Variants in CDH15 observed in about 807,000 individuals in gnomAD.
The protein encoded by CDH15 is cadherin-15.
A neutral mutation model predicts 69.4 loss-of-function variants in CDH15; 73 were observed. The ratio of observed to expected loss-of-function variants is 1.05; its 90% CI spans 0.87 to 1.28. CDH15 has a LOEUF of 1.28. CDH15 is among the 50% of genes most tolerant of loss of function. The pLI, the probability that CDH15 is intolerant of heterozygous loss-of-function variation, is 0.00. For missense variants in CDH15, 1,343 were observed against 1,133.6 expected (o/e 1.18, Z -2.65); for synonymous variants, 624 against 507.7 (o/e 1.23, Z -3.08).
At chr16:89,182,811 C>T (rs1915407720) in intron 3 of CDH15, 1 of 152,182 alleles carries the variant, frequency 6.6e-6, no homozygotes, top group Non-Finnish European at 1.5e-5. Context: ...GAGAGTATTT[C>T]TCACTTGGAA....
chr16:89,179,965 G>A (rs1777076099), intron 2 of CDH15, among the ~76,000 whole-genome samples: 3 of 152,220 alleles, frequency 2.0e-5, no homozygotes, highest in Admixed American at 1.3e-4. Flanking sequence ...CCAGGGCCCT[G>A]AGGACACCAG....
chr16:89,184,315 A>G (rs762487864), intron 4 of CDH15, among the ~76,000 whole-genome samples: 1 of 151,904 alleles, frequency 6.6e-6, no homozygotes, highest in Non-Finnish European at 1.5e-5. Flanking sequence ...TCCCGGGGGG[A>G]AGTCACAGCC....
At chr16:89,190,677 C>G (rs1204381595) in intron 8 of CDH15, among the ~76,000 whole-genome samples, 181 bp downstream of exon 8, 1 of 151,994 alleles carries the variant, frequency 6.6e-6, no homozygotes, top group Non-Finnish European at 1.5e-5. Flanking sequence ...TTGGGGTGAC[C>G]TCACCCCCTA....
At chr16:89,176,308 G>A (rs1915253941) in intron 1 of CDH15, among the ~76,000 whole-genome samples, 2 of 152,246 alleles carry the variant, frequency 1.3e-5, no homozygotes, top group South Asian at 2.1e-4. Flanking sequence ...GCACGGGGCT[G>A]AGGAGAGCGG....
chr16:89,192,071 G>A, intron 10 of CDH15, 134 bp from the exon 11 acceptor site: 2 of 1,240,650 alleles, frequency 1.6e-6, no homozygotes, highest in Non-Finnish European at 2.2e-6. Context: ...TACTCATTGT[G>A]CCCAGAGGAC....
At chr16:89,177,562 G>A (rs541866527) in intron 1 of CDH15, among the ~76,000 whole-genome samples, 21 of 152,104 alleles carry the variant, frequency 1.4e-4, no homozygotes, top group African/African-American at 4.3e-4. Flanking sequence ...AGCCAGGCCC[G>A]GGGCACAGGG....
intron 1 of CDH15, among the ~76,000 whole-genome samples, chr16:89,173,178 C>T (rs1915192787): frequency 6.6e-6 from 1 of 152,200 alleles, no homozygotes; most frequent in African/African-American, 2.4e-5. Flanking sequence ...CCCGGCCCTC[C>T]ACCCCTCAGC....
At chr16:89,182,042 A>G (rs1413356334) in intron 3 of CDH15, among the ~76,000 whole-genome samples, 2 of 151,232 alleles carry the variant, frequency 1.3e-5, no homozygotes, top group African/African-American at 4.9e-5. Context: ...CCTAGAGCCC[A>G]GAAAACCAGA....
intron 13 of CDH15, among the ~76,000 whole-genome samples, chr16:89,194,475 C>G (rs1411232983): frequency 5.3e-5 from 8 of 152,198 alleles, no homozygotes; most frequent in Admixed American, 5.2e-4. Context: ...CAGACAGAGC[C>G]TCCGAAAGGC....
In CDH15 at chr16:89,194,895, C is replaced by T; in HGVS notation, c.2185C>T (p.Pro729Ser). ...GGCTGCAGATAGTGACCCCAGTGTG[C>T]CGCCTTACGACACAGCCCTCATCTA... Reference protein sequence around the residue: ...LEAADSDPSVPPYDTALIYDY... With the variant: ...LEAADSDPSVSPYDTALIYDY... The change falls in exon 14 of 14, where the codon CCG (proline) becomes TCG (serine). Residue 729 changes from proline to serine, a missense_variant. Coordinates refer to ENST00000289746, the MANE Select transcript of CDH15 (RefSeq NM_004933.3). The T allele has an allele frequency of 2.5e-6, 4 of 1,606,584 alleles. No homozygotes were observed. Among genetic ancestry groups the T allele is most frequent in the Middle Eastern group, 1.7e-4 (1 of 5,992 alleles).
rs1915312667 is a variant in CDH15 at position 89,178,804 on chromosome 16, C to G, written c.43-612C>G. On this transcript the variant is annotated intron_variant, in intron 1 of 13. Coordinates refer to ENST00000289746, the MANE Select transcript of CDH15 (RefSeq NM_004933.3). ...CGGGGTTCAGTTCCCACAAAGCAGC[C>G]TGGAGAGGTGGAGGGGGACGGGCAC... Among the ~76,000 whole-genome samples the G allele has an allele frequency of 3.3e-5, 5 of 152,338 alleles. No individual in the cohort carries two copies. The South Asian group carries it at 1.0e-3, about 32-fold the overall frequency.
chr16:89,175,202 C>T (rs893680308), intron 1 of CDH15, among the ~76,000 whole-genome samples: 4 of 152,226 alleles, frequency 2.6e-5, no homozygotes, highest in South Asian at 2.1e-4. Flanking sequence ...GGAGGGTCTC[C>T]GGTGGAGGCA....
At chr16:89,186,335 G>A (rs1324768185) in intron 5 of CDH15, 2 of 134,930 alleles carry the variant, frequency 1.5e-5, no homozygotes, top group Non-Finnish European at 1.6e-5. Context: ...TAGGTGCTCT[G>A]TAAAGGCTCA....
At chr16:89,176,165 C>T (rs545198722) in intron 1 of CDH15, among the ~76,000 whole-genome samples, 6 of 152,376 alleles carry the variant, frequency 3.9e-5, no homozygotes, top group South Asian at 4.1e-4. Context: ...TCCCGGCCCC[C>T]GCCCACTCAG....
In CDH15 at chr16:89,187,542, G is replaced by C. The variant is rs779693136; in HGVS notation, c.777G>C (p.Glu259Asp). 1 of 1,613,610 alleles carries C rather than the reference G, an allele frequency of 6.2e-7. No individual in the cohort carries two copies. The highest frequency in any genetic ancestry group is 1.1e-5 in the South Asian group (1 of 91,084). Residue 259 changes from glutamate to aspartate, a missense_variant, in exon 6 of 14, where the codon GAG becomes GAC. Glu to Asp is a conservative substitution (Grantham distance 45, BLOSUM62 2). Transcript: ENST00000289746. ...TLDDINDNAP[E>D]FTRDEFFMEA... ...ATGACATCAATGACAATGCCCCCGA[G>C]TTCACCAGGGATGAGGTGCTGCTGC...
intron 3 of CDH15, among the ~76,000 whole-genome samples, chr16:89,182,372 G>C (rs921987463): frequency 6.7e-6 from 1 of 148,940 alleles, no homozygotes; most frequent in East Asian, 2.0e-4. Context: ...TGGGCACAAC[G>C]GCTCATGCTT....
At chr16:89,180,098 G>C in intron 2 of CDH15, 102 bp from the exon 3 acceptor site, 1 of 1,305,514 alleles carries the variant, frequency 7.7e-7, no homozygotes, top group East Asian at 2.5e-5. Context: ...AGGAGACTTA[G>C]ACCTGCCCTG....
intron 7 of CDH15, among the ~76,000 whole-genome samples, chr16:89,188,710 CGG>C (rs1915556415): frequency 9.1e-5 from 11 of 120,738 alleles, no homozygotes; most frequent in Non-Finnish European, 1.6e-4. Flanking sequence ...GCACAGATGG[CGG>C]CACACACAGA....
chr16:89,191,995 C>G (rs990920382), intron 10 of CDH15, 101 bp downstream of exon 10: 3 of 1,272,116 alleles, frequency 2.4e-6, no homozygotes, highest in Non-Finnish European at 3.2e-6. Flanking sequence ...CATGCAAACC[C>G]GTGGTCCTGC....
Sources: gnomAD v4.1 joint callset for allele counts (sites outside exome capture counted in the v4.1 genomes callset) on GRCh38, gnomAD v4.1.1 for gene constraint, MANE v1.5 for transcripts, NCBI Gene and HGNC (gene_info 2026-07-23, HGNC 2026-07-21) for gene names.